The following PCSK4 variants were observed in gnomAD, a reference collection of about 807,000 sequenced individuals.
PCSK4 encodes the protein proprotein convertase subtilisin/kexin type 4, also known as testicular tissue protein Li 135.
In PCSK4, 64 loss-of-function variants were observed where a neutral mutation model predicts 80.3. That is an observed-to-expected ratio of 0.80 (90% CI 0.65 to 0.98). The LOEUF (loss-of-function observed/expected upper bound fraction) is 0.98. PCSK4 is among the 50% of genes least tolerant of loss of function. The probability of loss-of-function intolerance (pLI) is 0.00; values close to 1 mark genes in which losing one functional copy is unlikely to be tolerated. For synonymous variants in PCSK4, 561 were observed against 487.6 expected, an observed-to-expected ratio of 1.15 and a Z score of -1.98; for missense variants, 1,213 against 1,093.6, an observed-to-expected ratio of 1.11 and a Z score of -1.54.
rs555149369 is a variant in PCSK4 at position 1,487,553 on chromosome 19, C to A, written c.682+50G>T. On this transcript the variant is annotated intron_variant, in intron 6 of 14. Transcript: ENST00000300954. The stretch of plus-strand genomic sequence containing the variant: ...TGGGCCCAGCTCCCCGCCAGAGTCA[C>A]CCCCTTCCCTCTCTGTCCCGGAATG... 6 of 1,460,274 alleles carry A rather than the reference C, an allele frequency of 4.1e-6. No homozygotes were observed. In the African/African-American group the frequency reaches 8.4e-5, roughly 20 times the overall value. 90.5% of individuals were successfully genotyped at this position (1,460,274 alleles called of 1,614,324 possible). A position where few individuals can be genotyped will look rare whatever the true frequency, so the allele number is the denominator to read the frequency against.
chr19:1,483,518 C>A (rs1380018096), intron 11 of PCSK4, 55 bp from the exon 12 acceptor site: 3 of 1,285,312 alleles, frequency 2.3e-6, no homozygotes, highest in Middle Eastern at 2.0e-4. Context: ...GGTGGGTGGG[C>A]GGCCAGCAGG....
At chr19:1,483,074 A>T in intron 12 of PCSK4, 54 bp from the exon 13 acceptor site, 2 of 1,458,710 alleles carry the variant, frequency 1.4e-6, no homozygotes, top group South Asian at 2.8e-5. Flanking sequence ...GGCTTTGTGA[A>T]GCCGGCAGAG....
chr19:1,482,824 G>T, intron 13 of PCSK4, 72 bp downstream of exon 13: 6 of 1,543,676 alleles, frequency 3.9e-6, no homozygotes, highest in Non-Finnish European at 5.3e-6. Context: ...GGTCACCAAG[G>T]CTAGCTCCAG....
intron 1 of PCSK4, 62 bp downstream of exon 1, chr19:1,490,096 G>T: frequency 3.2e-6 from 5 of 1,586,800 alleles, no homozygotes; most frequent in Non-Finnish European, 4.3e-6. Context: ...CCCCTTGTCG[G>T]GGTCTAGGGT....
chr19:1,488,623 C>T (rs376954694), intron 2 of PCSK4, among the ~76,000 whole-genome samples: 1 of 152,108 alleles, frequency 6.6e-6, no homozygotes, highest in South Asian at 2.1e-4. Context: ...TTCTGTCGCC[C>T]AGGCTGGGGT....
rs780188506 is a variant in PCSK4, at chr19:1,482,343, C to G, written c.1819+10G>C. 5.2e-6 allele frequency: 8 copies of G among 1,538,844 alleles called. No individual in the cohort carries two copies. The highest frequency in any genetic ancestry group is 2.4e-5 in the East Asian group (1 of 40,940). ...CTCCCAGCAGTGGGCCCTGCCCCGC[C>G]GGCACTCACCCTGGCACAGCCCCTC... On this transcript the variant is annotated intron_variant, in intron 14 of 14. Transcript: ENST00000300954.
Position 1,487,768 on chromosome 19 carries a change from G to T in PCSK4, c.593+17C>A. On this transcript the variant is annotated intron_variant, in intron 5 of 14. Coordinates refer to ENST00000300954, the Ensembl canonical transcript of PCSK4. The stretch of plus-strand genomic sequence containing the variant: ...GGTACTGGGGCTTCCCCCGTGTGCT[G>T]TGGGAGCCCTGCTCACCGGTTCTCT... The T allele has an allele frequency of 1.3e-6, 2 of 1,564,298 alleles. No homozygotes were observed. The highest frequency in any genetic ancestry group is 8.7e-7 in the Non-Finnish European group (1 of 1,153,042).
At chr19:1,484,342 C>G (rs1013168279) in intron 8 of PCSK4, among the ~76,000 whole-genome samples, 3 of 151,490 alleles carry the variant, frequency 2.0e-5, no homozygotes, top group Non-Finnish European at 2.9e-5. Flanking sequence ...CAAAAATTAG[C>G]CAGGCATGGT....
intron 12 of PCSK4, 35 bp from the exon 13 acceptor site, chr19:1,483,055 A>G: frequency 6.7e-7 from 1 of 1,490,122 alleles, no homozygotes; most frequent in Non-Finnish European, 9.0e-7. Flanking sequence ...TGGGGGTGTC[A>G]AGAGGGATGG....
At chr19:1,489,689 C>A in intron 2 of PCSK4, 104 bp downstream of exon 2, 1 of 1,504,418 alleles carries the variant, frequency 6.6e-7, no homozygotes, top group Non-Finnish European at 8.9e-7. Context: ...CCACAGAAAG[C>A]ACACAGCTGT....
intron 12 of PCSK4, 91 bp downstream of exon 12, chr19:1,483,193 C>G: frequency 2.2e-6 from 3 of 1,350,862 alleles, no homozygotes; most frequent in Non-Finnish European, 2.0e-6. Flanking sequence ...CTCCTATGGG[C>G]CTGGCCCCTC....
At chr19:1,489,955 C>T in intron 1 of PCSK4, 58 bp from the exon 2 acceptor site, 1 of 1,552,352 alleles carries the variant, frequency 6.4e-7, no homozygotes, top group Non-Finnish European at 8.7e-7. Context: ...CTGAAGCCCC[C>T]GAGGGCCGGT....
Position 1,487,953 on chromosome 19 carries a change from C to A in PCSK4, c.516+11G>T. 6.2e-7 allele frequency: 1 copy of A among 1,603,736 alleles called. No individual in the cohort carries two copies. The highest frequency in any genetic ancestry group is 8.5e-7 in the Non-Finnish European group (1 of 1,172,956). ...GGGGCAGCCCTCGCCCACAGCCACC[C>A]GCGGTCTCACGTAGTTGGCCCAGAG... On this transcript the variant is annotated intron_variant, in intron 4 of 14. Coordinates refer to ENST00000300954, the Ensembl canonical transcript of PCSK4.
intron 10 of PCSK4, 34 bp downstream of exon 10, chr19:1,483,804 C>A: frequency 6.6e-7 from 1 of 1,504,734 alleles, no homozygotes. Context: ...CCCCGTGGGC[C>A]CCGGGTCCCC....
At chr19:1,487,762 T>C in intron 5 of PCSK4, 23 bp downstream of exon 5, 1 of 1,557,510 alleles carries the variant, frequency 6.4e-7, no homozygotes, top group Non-Finnish European at 8.7e-7. Flanking sequence ...GCTTCCCCCG[T>C]GTGCTGTGGG....
exon 15 of PCSK4, chr19:1,481,865 C>A: frequency 6.3e-7 from 1 of 1,585,210 alleles, no homozygotes; most frequent in Middle Eastern, 1.7e-4. Flanking sequence ...GAGGACGGGG[C>A]CTCCGAGGGT....
At chr19:1,484,067 G>T in exon 9 of PCSK4, 1 of 1,564,528 alleles carries the variant, frequency 6.4e-7, no homozygotes, top group East Asian at 2.4e-5. Flanking sequence ...GCCGCCAGTG[G>T]GGCTGAGGCC....
upstream of PCSK4, chr19:1,490,866 G>A: frequency 5.5e-6 from 1 of 181,820 alleles, no homozygotes; most frequent in Non-Finnish European, 1.1e-5. Context: ...CGGCTCGGAT[G>A]TTTCTTTAGC....
intron 8 of PCSK4, among the ~76,000 whole-genome samples, chr19:1,486,417 C>G (rs1257325375): frequency 3.3e-5 from 5 of 152,128 alleles, no homozygotes; most frequent in African/African-American, 1.2e-4. Flanking sequence ...CTGCCTCAGC[C>G]TCCCGAGTAG....
Sources: gnomAD v4.1 joint callset for allele counts (sites outside exome capture counted in the v4.1 genomes callset) on GRCh38, gnomAD v4.1.1 for gene constraint, MANE v1.5 for transcripts, NCBI Gene and HGNC (gene_info 2026-07-23, HGNC 2026-07-21) for gene names.